Variants in ZNF496 observed in about 807,000 individuals in gnomAD.
ZNF496 encodes the protein zinc finger protein 496.
A neutral mutation model predicts 58.9 loss-of-function variants in ZNF496; 11 were observed. That is an observed-to-expected ratio of 0.19 (90% CI 0.12 to 0.31). ZNF496 has a LOEUF of 0.31. ZNF496 is among the 10% of genes least tolerant of loss of function. ZNF496 has a pLI of 1.00. For missense variants in ZNF496, 660 were observed against 783.0 expected (o/e 0.84, Z 1.88); for synonymous variants, 338 against 318.2 (o/e 1.06, Z -0.66).
chr1:247,307,408 T>C, intron 9 of ZNF496: 3 of 985,444 alleles, frequency 3.0e-6, no homozygotes, highest in Non-Finnish European at 3.6e-6. Flanking sequence ...TCCATCCATC[T>C]TCTAAAAGTA....
At chr1:247,306,673 T>C (rs1399748151) in intron 9 of ZNF496, among the ~76,000 whole-genome samples, 1 of 151,906 alleles carries the variant, frequency 6.6e-6, no homozygotes, top group Non-Finnish European at 1.5e-5. Flanking sequence ...GGCTAATTTT[T>C]GTATTTTTAG....
chr1:247,308,925 C>A lies in ZNF496; in HGVS notation c.893-337G>T. 19 of 322,862 alleles carry A rather than the reference C, an allele frequency of 5.9e-5. No homozygotes were observed. The highest frequency in any genetic ancestry group is 1.6e-4 in the South Asian group (6 of 36,720). 20.0% of individuals were successfully genotyped at this position (322,862 alleles called of 1,614,324 possible). Reference sequence around the variant, plus strand: ...GGTTTTCTATAGTCATCACCACAGGCTCCTGCACACTCCGCACATCCTGCA... The same window carrying A: ...GGTTTTCTATAGTCATCACCACAGGATCCTGCACACTCCGCACATCCTGCA... On this transcript the variant is annotated intron_variant, in intron 8 of 9. Transcript: ENST00000682384. The surrounding 1 kb of genome is among the most constrained non-coding windows in gnomAD (Gnocchi z 4.5).
At position 247,301,122 on chromosome 1, in the gene ZNF496, G is replaced by A. The variant is rs1659222517; in HGVS notation, c.1161C>T (p.Ala387=). The change falls in exon 10 of 10, where the codon GCC becomes GCT. Residue 387 remains alanine (A), a synonymous_variant. Transcript: ENST00000682384. ...SPTEKQRSLP[A]SHRSSTEAGG... is the part of the protein sequence containing the mutation. Reference sequence around the variant, plus strand: ...CGGCCTCGGTGCTGCTCCGGTGGGAGGCGGGGAGGCTGCGCTGCTTCTCTG... The same window carrying A: ...CGGCCTCGGTGCTGCTCCGGTGGGAAGCGGGGAGGCTGCGCTGCTTCTCTG... 6.2e-7 allele frequency: 1 copy of A among 1,613,790 alleles called. No homozygotes were observed. The highest frequency in any genetic ancestry group is 8.5e-7 in the Non-Finnish European group (1 of 1,180,008).
rs1660223173 is a variant in ZNF496 at position 247,328,822 on chromosome 1, G to A, written c.435C>T (p.Ser145=). The change falls in exon 5 of 10, where the codon AGC becomes AGT. Residue 145 remains serine (S), a synonymous_variant. Transcript: ENST00000682384. ...EDPVVIDDGD[S]PLDQEQEQLP... ...GCTGCTCCTGCTCCTGGTCCAGAGGGCTGTCCCCATCATCAATCACCACAG... is the reference window on the plus strand; with the variant it reads ...GCTGCTCCTGCTCCTGGTCCAGAGGACTGTCCCCATCATCAATCACCACAG... 1 of 1,611,308 alleles carries A rather than the reference G, an allele frequency of 6.2e-7. No homozygotes were observed. Among genetic ancestry groups the A allele is most frequent in the Non-Finnish European group, 8.5e-7 (1 of 1,178,888 alleles).
At chr1:247,312,307 A>C (rs946096387) in intron 6 of ZNF496, 2 of 152,230 alleles carry the variant, frequency 1.3e-5, no homozygotes, top group African/African-American at 4.8e-5. Context: ...ATTTGCCACT[A>C]TAAGAAGGAT....
intron 6 of ZNF496, chr1:247,312,627 G>A (rs1272432667): frequency 6.6e-6 from 1 of 151,592 alleles, no homozygotes; most frequent in Non-Finnish European, 1.5e-5. Flanking sequence ...TTAGCCAGGT[G>A]TGGTGGTGCA....
intron 7 of ZNF496, 199 bp downstream of exon 7, chr1:247,310,125 C>T (rs1394963287): frequency 2.1e-6 from 3 of 1,433,754 alleles, no homozygotes; most frequent in Non-Finnish European, 2.7e-6. Flanking sequence ...GGCGAGACAG[C>T]AGGTGATGGT....
At chr1:247,310,189 G>A (rs567365865) in intron 7 of ZNF496, 135 bp downstream of exon 7, 2 of 1,491,178 alleles carry the variant, frequency 1.3e-6, no homozygotes, top group East Asian at 4.7e-5. Context: ...TCCTGTCCAG[G>A]TTGGGGGTGA....
chr1:247,304,072 G>A (rs1377789057), intron 9 of ZNF496: 1 of 439,896 alleles, frequency 2.3e-6, no homozygotes, highest in Non-Finnish European at 4.5e-6. Context: ...AAGGAAAAGA[G>A]ATGGGATGAA....
chr1:247,307,722 A>C (rs1659461882), intron 9 of ZNF496: 1 of 985,436 alleles, frequency 1.0e-6, no homozygotes, highest in Non-Finnish European at 1.2e-6. Flanking sequence ...AAAGCATCAC[A>C]GGTAGAAGAG....
Position 247,307,403 on chromosome 1 carries a change from C to G in ZNF496, c.1006+1072G>C, listed in dbSNP as rs570528070. On this transcript the variant is annotated intron_variant, in intron 9 of 9. Transcript: ENST00000682384. ...CTCCTGTGTATAAATGAACATCCAT[C>G]CATCTTCTAAAAGTATATTGATGGG... 11 of 985,436 alleles carry G rather than the reference C, an allele frequency of 1.1e-5. No homozygotes were observed. In the Admixed American group the frequency reaches 4.9e-4, roughly 44 times the overall value. The allele number at this position is 985,436 out of a possible 1,614,324, so 61.0% of individuals were successfully genotyped here.
intron 6 of ZNF496, among the ~76,000 whole-genome samples, chr1:247,317,172 C>G (rs1377729164): frequency 6.6e-6 from 1 of 152,138 alleles, no homozygotes; most frequent in Non-Finnish European, 1.5e-5. Context: ...ACAGGAGACT[C>G]TGAAAGGTGG....
intron 9 of ZNF496, among the ~76,000 whole-genome samples, chr1:247,304,529 G>A (rs892271428): frequency 2.0e-5 from 3 of 151,980 alleles, no homozygotes; most frequent in Non-Finnish European, 4.4e-5. Flanking sequence ...GTGCCACCAC[G>A]TCTGGCTAAT....
At position 247,323,215 on chromosome 1, in the gene ZNF496, A is replaced by T. The variant is rs1324940163; in HGVS notation, c.590T>A (p.Phe197Tyr). The T allele has an allele frequency of 6.2e-7, 1 of 1,613,888 alleles. No individual in the cohort carries two copies. Among genetic ancestry groups the T allele is most frequent in the Non-Finnish European group, 8.5e-7 (1 of 1,179,908 alleles). The change falls in exon 6 of 10, where the codon TTC becomes TAC. Residue 197 changes from phenylalanine (F) to tyrosine (Y), a missense_variant. Transcript: ENST00000682384. ...CCGCACATTCTCTTCCTGAAGAAGG[A>T]AAGCATCTTGCAGAACTGAAAGAGA... Reference protein sequence around the residue: ...LSGDPVLQDAFLLQEENVRDT... With the variant: ...LSGDPVLQDAYLLQEENVRDT...
intron 5 of ZNF496, among the ~76,000 whole-genome samples, chr1:247,324,344 G>GT (rs1660055620): frequency 1.3e-5 from 2 of 152,302 alleles, no homozygotes; most frequent in Non-Finnish European, 2.9e-5. Context: ...ATTGGTCAAA[G>GT]TGTACAAAAT....
At chr1:247,323,941 C>T (rs1175014788) in intron 5 of ZNF496, among the ~76,000 whole-genome samples, 1 of 151,290 alleles carries the variant, frequency 6.6e-6, no homozygotes, top group African/African-American at 2.4e-5. Flanking sequence ...ATAGGGAGAC[C>T]GCATCTCTAT....
intron 5 of ZNF496, among the ~76,000 whole-genome samples, chr1:247,327,776 C>T (rs1276976732): frequency 1.3e-5 from 1 of 78,278 alleles, no homozygotes; most frequent in Non-Finnish European, 2.8e-5. Flanking sequence ...ACCTATAGAG[C>T]ACTATGGCAA....
rs1364001112 is a variant in ZNF496, at chr1:247,309,002, A to G, written c.893-414T>C. On this transcript the variant is annotated intron_variant, in intron 8 of 9. Transcript: ENST00000682384. This position sits in a 1 kb window ranked among gnomAD's most constrained non-coding sequence, Gnocchi z 4.3. ...GTAGAGATGGTACAGGAGCTACTGC[A>G]CCACACCAAGTCTCTGAACGCTTGT... The G allele has an allele frequency of 5.1e-6, 1 of 195,210 alleles. No individual in the cohort carries two copies. The highest frequency in any genetic ancestry group is 1.1e-5 in the Non-Finnish European group (1 of 94,416). 12.1% of individuals were successfully genotyped at this position (195,210 alleles called of 1,614,324 possible).
In ZNF496 at chr1:247,323,816, C is replaced by G. The variant is rs376072458; in HGVS notation, c.575-586G>C. On this transcript the variant is annotated intron_variant, in intron 5 of 9. Transcript: ENST00000682384. ...AGAAAAAGCCGTAGAGTTGAGGAATCTATAAGGACTCTTAGGGTCTGGATG... is the reference window on the plus strand; with the variant it reads ...AGAAAAAGCCGTAGAGTTGAGGAATGTATAAGGACTCTTAGGGTCTGGATG... 2.4e-4 allele frequency among the ~76,000 whole-genome samples: 36 copies of G among 151,062 alleles called. 1 individual carries two copies. In the South Asian group the frequency reaches 7.4e-3, roughly 31 times the overall value.
Sources: allele counts gnomAD v4.1 joint callset (sites outside exome capture counted in the v4.1 genomes callset), GRCh38; gene constraint gnomAD v4.1.1; non-coding constraint Gnocchi (gnomAD v3.1); transcripts MANE v1.5; gene names NCBI Gene and HGNC (gene_info 2026-07-23, HGNC 2026-07-21).